DENND2A: variants seen among roughly 807,000 people sequenced by gnomAD.
The protein encoded by DENND2A is DENN domain containing 2A.
DENND2A carries 53 observed loss-of-function variants against 105.3 expected under a neutral mutation model. That is an observed-to-expected ratio of 0.50 (90% confidence interval 0.40 to 0.63). The LOEUF (loss-of-function observed/expected upper bound fraction) is 0.63, where lower values mean the gene tolerates loss of function less well. Ranked by LOEUF, DENND2A falls within the 30% of genes least tolerant of loss-of-function variation. DENND2A has a pLI of 0.00. For missense variants in DENND2A, 1,138 were observed against 1,279.6 expected (o/e 0.89, Z 1.69); for synonymous variants, 522 against 508.4 (o/e 1.03, Z -0.36).
chr7:140,578,288 C>T (rs1189914903), intron 5 of DENND2A, among the ~76,000 whole-genome samples: 1 of 152,136 alleles, frequency 6.6e-6, no homozygotes, highest in Non-Finnish European at 1.5e-5. Flanking sequence ...AAGCTGGATT[C>T]GAGCCCAGGT....
Position 140,587,713 on chromosome 7 carries a change from G to T in DENND2A, c.1063C>A (p.Gln355Lys). The T allele has an allele frequency of 6.2e-7, 1 of 1,613,526 alleles. No individual in the cohort carries two copies. The highest frequency in any genetic ancestry group is 8.5e-7 in the Non-Finnish European group (1 of 1,179,576). ...SESSRVDWYAQTKLGLTRTLS... is the reference protein window; with the variant it reads ...SESSRVDWYAKTKLGLTRTLS... ...GTGCGTGTCAGCCCCAGCTTAGTCT[G>T]CGCGTACCAGTCCACCCTGCTGCTC... is the stretch of plus-strand genomic sequence containing the variant. Residue 355 changes from glutamine (Q) to lysine (K), a missense_variant, in exon 4 of 20, where the codon CAG (glutamine) becomes AAG (lysine). Gln to Lys is a moderately conservative substitution (Grantham distance 53). This residue lies in a region of DENND2A where 511 missense variants were observed against 499.9 expected (regional missense o/e 1.02). Coordinates refer to ENST00000496613, the MANE Select transcript of DENND2A (RefSeq NM_015689.5).
chr7:140,576,290 T>A (rs185376389), intron 5 of DENND2A, among the ~76,000 whole-genome samples: 1 of 152,302 alleles, frequency 6.6e-6, no homozygotes, highest in African/African-American at 2.4e-5. Flanking sequence ...GTTAATCTTT[T>A]CTTTTGTAAT....
chr7:140,597,232 T>C (rs1368388681), intron 3 of DENND2A, among the ~76,000 whole-genome samples: 3 of 152,308 alleles, frequency 2.0e-5, no homozygotes, highest in Admixed American at 1.3e-4. Flanking sequence ...AATTGGCCTA[T>C]GAAAATAAGC....
chr7:140,582,704 G>C (rs2130636794), intron 5 of DENND2A, among the ~76,000 whole-genome samples: 1 of 152,292 alleles, frequency 6.6e-6, no homozygotes, highest in East Asian at 1.9e-4. Context: ...CAGGCTTCAG[G>C]TGGAGACAGC....
At chr7:140,609,248 C>T (rs1799798634) in intron 1 of DENND2A, among the ~76,000 whole-genome samples, 1 of 152,214 alleles carries the variant, frequency 6.6e-6, no homozygotes. Flanking sequence ...CATGGTGGCT[C>T]ATGCCTATAA....
At position 140,518,747 on chromosome 7, in the gene DENND2A, A is replaced by G. The variant is rs758880834; in HGVS notation, c.2999-9T>C. On this transcript the variant is annotated splice_polypyrimidine_tract_variant and intron_variant, in intron 19 of 19. Coordinates refer to ENST00000496613, the MANE Select transcript of DENND2A (RefSeq NM_015689.5). ...AAATTTCATTTTATTGCCTAAAAAA[A>G]AGGAAAATGAGAACATTTCACAAGG... 6.2e-7 allele frequency: 1 copy of G among 1,613,192 alleles called. No individual in the cohort carries two copies.
At chr7:140,616,844 C>T (rs1437578237) in intron 1 of DENND2A, among the ~76,000 whole-genome samples, 1 of 152,098 alleles carries the variant, frequency 6.6e-6, no homozygotes, top group East Asian at 1.9e-4. Flanking sequence ...TCTATTTTGC[C>T]CTCTCCTTTG....
At position 140,544,647 on chromosome 7, in the gene DENND2A, C is replaced by A. The variant is rs1796819302; in HGVS notation, c.2298G>T (p.Arg766Ser). Residue 766 changes from arginine to serine, a missense_variant, in exon 14 of 20, where the codon AGG becomes AGT. By Grantham distance (110) the Arg-to-Ser change is moderately radical. This residue lies in a region of DENND2A where 627 missense variants were observed against 779.8 expected (regional missense o/e 0.80). Coordinates refer to ENST00000496613, the MANE Select transcript of DENND2A (RefSeq NM_015689.5). ...VCVFASLLLE[R>S]RVIFIADKLS... ...GCTTGTCTGCAATGAAGATGACCCT[C>A]CTCTCCAGAAGCAGGGAGGCAAACA... 1 of 1,613,992 alleles carries A rather than the reference C, an allele frequency of 6.2e-7. No homozygotes were observed. Among genetic ancestry groups the A allele is most frequent in the Admixed American group, 1.7e-5 (1 of 59,980 alleles).
At chr7:140,545,352 C>T (rs1796852843) in intron 13 of DENND2A, among the ~76,000 whole-genome samples, 1 of 152,050 alleles carries the variant, frequency 6.6e-6, no homozygotes, top group South Asian at 2.1e-4. Flanking sequence ...TGCTTTGTGT[C>T]TATATCTTCT....
At chr7:140,641,440 A>C (rs755412770), upstream of DENND2A, 5 of 152,266 alleles carry the variant, frequency 3.3e-5, no homozygotes, top group Non-Finnish European at 5.9e-5. Context: ...GCTGCACAGC[A>C]GAAGTCCGCA....
chr7:140,567,303 A>AC (rs763966797), intron 8 of DENND2A, 30 bp from the exon 9 acceptor site: 5 of 780,196 alleles, frequency 6.4e-6, no homozygotes, highest in Admixed American at 4.9e-5. Context: ...AGAAAGAGAG[A>AC]AAGAGAGAGA....
At chr7:140,528,195 C>G (rs1796132718) in intron 14 of DENND2A, among the ~76,000 whole-genome samples, 1 of 152,106 alleles carries the variant, frequency 6.6e-6, no homozygotes, top group African/African-American at 2.4e-5. Flanking sequence ...GCCCCCTACA[C>G]AAACAAAACA....
intron 15 of DENND2A, 69 bp from the exon 16 acceptor site, chr7:140,525,861 T>C: frequency 1.5e-6 from 2 of 1,343,386 alleles, no homozygotes; most frequent in Non-Finnish European, 2.0e-6. Flanking sequence ...ACTCATAGCC[T>C]TCTTCCTTCT....
intron 14 of DENND2A, among the ~76,000 whole-genome samples, chr7:140,535,410 GAAAAC>G (rs1173972416): frequency 2.0e-5 from 3 of 152,022 alleles, no homozygotes; most frequent in Non-Finnish European, 4.4e-5. Context: ...CCACACAGTT[GAAAAC>G]GAACACAGGC....
chr7:140,605,254 C>T (rs1799649050), intron 2 of DENND2A, among the ~76,000 whole-genome samples: 1 of 152,180 alleles, frequency 6.6e-6, no homozygotes, highest in Non-Finnish European at 1.5e-5. Flanking sequence ...CTAAGAACCC[C>T]TCAGTGGCTG....
Position 140,546,860 on chromosome 7 carries a change from G to C in DENND2A, c.2117C>G (p.Pro706Arg), listed in dbSNP as rs1796930707. Residue 706 changes from proline to arginine, a missense_variant, in exon 13 of 20, where the codon CCT becomes CGT. This residue lies in a region of DENND2A where 627 missense variants were observed against 779.8 expected (regional missense o/e 0.80). Coordinates refer to ENST00000496613, the MANE Select transcript of DENND2A (RefSeq NM_015689.5). ...QPLMRSVMEA[P>R]FPALGKTILV... ...GATGGTTTTGCCCAGGGCTGGGAAA[G>C]GGGCTTCCATGACACTTCTCATGAG... 1 of 1,614,200 alleles carries C rather than the reference G, an allele frequency of 6.2e-7. No homozygotes were observed. The highest frequency in any genetic ancestry group is 1.1e-5 in the South Asian group (1 of 91,070).
chr7:140,580,486 A>G (rs561215991), intron 5 of DENND2A, among the ~76,000 whole-genome samples: 1 of 152,166 alleles, frequency 6.6e-6, no homozygotes, highest in South Asian at 2.1e-4. Context: ...TGCCTATCTA[A>G]TTTTTAAATT....
intron 1 of DENND2A, among the ~76,000 whole-genome samples, chr7:140,629,457 G>A (rs758498156): frequency 3.3e-5 from 5 of 152,074 alleles, no homozygotes; most frequent in Non-Finnish European, 5.9e-5. Context: ...CATGAAGACC[G>A]CCTGCTAGGA....
intron 1 of DENND2A, among the ~76,000 whole-genome samples, chr7:140,625,300 C>T (rs1482632531): frequency 1.3e-5 from 2 of 151,514 alleles, no homozygotes; most frequent in Non-Finnish European, 2.9e-5. Context: ...TCACTTGAGC[C>T]CGGGACACAG....
Sources: gnomAD v4.1 joint callset for allele counts (sites outside exome capture counted in the v4.1 genomes callset) on GRCh38, gnomAD v4.1.1 for gene constraint, gnomAD v4.1.1 regional missense constraint, MANE v1.5 for transcripts, NCBI Gene and HGNC (gene_info 2026-07-23, HGNC 2026-07-21) for gene names.